Variants in MTG1 observed in about 807,000 individuals in gnomAD.
MTG1 encodes the protein mitochondrial ribosome associated GTPase 1.
A neutral mutation model predicts 39.5 loss-of-function variants in MTG1; 30 were observed. The observed-to-expected ratio is 0.76, with a 90% CI of 0.57 to 1.03. MTG1 has a LOEUF of 1.03. Among genes scored for constraint, MTG1 ranks in the 50% least tolerant of loss-of-function variants. The probability of loss-of-function intolerance (pLI) is 0.00; values close to 1 mark genes in which losing one functional copy is unlikely to be tolerated. For synonymous variants in MTG1, 217 were observed against 179.0 expected, an observed-to-expected ratio of 1.21 and a Z score of -1.69; for missense variants, 513 against 447.4, an observed-to-expected ratio of 1.15 and a Z score of -1.32.
rs189634360 is a variant in MTG1 at position 133,401,713 on chromosome 10, C to T, written c.573+123C>T. 297 of 907,012 alleles carry T rather than the reference C, an allele frequency of 3.3e-4. No homozygotes were observed. In the African/African-American group the frequency reaches 4.3e-3, roughly 13 times the overall value. 56.2% of individuals were successfully genotyped at this position (907,012 alleles called of 1,614,324 possible). A position where few individuals can be genotyped will look rare whatever the true frequency, so the allele number is the denominator to read the frequency against. On this transcript the variant is annotated intron_variant, in intron 7 of 10. Coordinates refer to ENST00000317502, the MANE Select transcript of MTG1 (RefSeq NM_138384.4). ...TTCCCTCCCCTCCACTCAGTGTCCCCGCTGAGCACCCCCGGGGCAGGCACT... is the reference window on the plus strand; with the variant it reads ...TTCCCTCCCCTCCACTCAGTGTCCCTGCTGAGCACCCCCGGGGCAGGCACT...
chr10:133,420,045 G>A lies in MTG1; in HGVS notation c.885G>A (p.Gln295=). The part of the protein sequence containing the change: ...LTGTGNVNII[Q]PNYPAAARDF... The stretch of plus-strand genomic sequence containing the variant: ...CCCCAGGTAACGTGAACATTATTCA[G>A]CCTAACTATCCTGCGGCAGCCCGTG... The change falls in exon 11 of 11, where the codon CAG becomes CAA. Residue 295 remains glutamine (Q), a synonymous_variant. Coordinates refer to ENST00000317502, the MANE Select transcript of MTG1 (RefSeq NM_138384.4). The A allele has an allele frequency of 1.2e-6, 2 of 1,612,452 alleles. No individual in the cohort carries two copies. The highest frequency in any genetic ancestry group is 1.7e-6 in the Non-Finnish European group (2 of 1,179,108).
Position 133,399,015 on chromosome 10 carries a change from G to A in MTG1, c.364-155G>A, listed in dbSNP as rs889608193. On this transcript the variant is annotated intron_variant, in intron 4 of 10. Coordinates refer to ENST00000317502, the MANE Select transcript of MTG1 (RefSeq NM_138384.4). ...ACGCCCAGTTTGCCTATGAAATGTT[G>A]GGTAGAATTCCAGATAGGAGGTTTC... Among the ~76,000 whole-genome samples the A allele has an allele frequency of 2.6e-5, 4 of 152,146 alleles. No homozygotes were observed. The South Asian group carries it at 8.3e-4, about 32-fold the overall frequency.
chr10:133,397,909 A>C (rs1489765032), intron 3 of MTG1, among the ~76,000 whole-genome samples: 1 of 152,022 alleles, frequency 6.6e-6, no homozygotes, highest in Admixed American at 6.6e-5. Context: ...AGTATAGGGC[A>C]CAGCAGTGTC....
At position 133,420,974 on chromosome 10, in the gene MTG1, C is replaced by G. The variant is rs1251775337; in HGVS notation, c.*809C>G. 6.6e-6 allele frequency: 1 copy of G among 152,504 alleles called. No individual in the cohort carries two copies. The highest frequency in any genetic ancestry group is 1.9e-4 in the East Asian group (1 of 5,200). 9.4% of individuals were successfully genotyped at this position (152,504 alleles called of 1,614,324 possible). On this transcript the variant is annotated 3_prime_UTR_variant, in exon 11 of 11. Coordinates refer to ENST00000317502, the MANE Select transcript of MTG1 (RefSeq NM_138384.4). The stretch of plus-strand genomic sequence containing the variant: ...TAGTGCACCTGAAGGGGTCCACAGC[C>G]TGTGTCCTAGAAGAGGGAAGAGGAA...
chr10:133,420,125 A>G lies in MTG1; in HGVS notation c.965A>G (p.Asp322Gly), dbSNP rs746503158. The G allele has an allele frequency of 2.5e-6, 4 of 1,612,960 alleles. No individual in the cohort carries two copies. Among genetic ancestry groups the G allele is most frequent in the Non-Finnish European group, 1.7e-6 (2 of 1,179,666 alleles). The change falls in exon 11 of 11, where the codon GAC (aspartate) becomes GGC (glycine). Residue 322 changes from aspartate (D) to glycine (G), a missense_variant. Coordinates refer to ENST00000317502, the MANE Select transcript of MTG1 (RefSeq NM_138384.4). ...GLLGSVMLDL[D>G]VLRGHPPAET... ...CTGGGTTCCGTGATGCTGGACCTCG[A>G]CGTCCTGCGGGGCCACCCCCCGGCT...
intron 9 of MTG1, among the ~76,000 whole-genome samples, chr10:133,407,528 T>C (rs917014859): frequency 3.9e-5 from 6 of 152,144 alleles, no homozygotes; most frequent in Non-Finnish European, 7.4e-5. Context: ...TTCCTAGGTA[T>C]TTTATATTTT....
intron 9 of MTG1, among the ~76,000 whole-genome samples, chr10:133,411,832 A>G (rs1850051741): frequency 1.3e-5 from 2 of 151,206 alleles, no homozygotes; most frequent in Non-Finnish European, 2.9e-5. Context: ...TTGTCTGACA[A>G]ATTTGTGAGT....
chr10:133,401,911 C>G (rs920599201), intron 7 of MTG1: 7 of 590,544 alleles, frequency 1.2e-5, no homozygotes, highest in African/African-American at 1.9e-5. Flanking sequence ...CTTGTGTTCT[C>G]CTTGGGAGCA....
rs373877100 is a variant in MTG1 at position 133,399,200 on chromosome 10, A to C, written c.394A>C (p.Arg132=). The C allele has an allele frequency of 9.5e-5, 153 of 1,613,910 alleles. No individual in the cohort carries two copies. The Middle Eastern group carries it at 1.2e-3, about 12-fold the overall frequency. ...IIPMVTELIG[R]SHRYHRKENL... ...CCCGATGGTCACTGAACTGATTGGG[A>C]GAAGCCACCGCTACCACCGAAAAGA... Residue 132 remains arginine, a synonymous_variant, in exon 5 of 11, where the codon AGA becomes CGA. Coordinates refer to ENST00000317502, the MANE Select transcript of MTG1 (RefSeq NM_138384.4).
chr10:133,416,073 G>A (rs1308640310), intron 9 of MTG1, among the ~76,000 whole-genome samples: 2 of 151,962 alleles, frequency 1.3e-5, no homozygotes, highest in Non-Finnish European at 2.9e-5. Flanking sequence ...GCTTGGCTTT[G>A]CCCCACCGCA....
intron 9 of MTG1, among the ~76,000 whole-genome samples, chr10:133,418,466 C>T (rs571594272): frequency 1.3e-5 from 2 of 151,692 alleles, no homozygotes; most frequent in South Asian, 2.1e-4. Context: ...TCCGGGGCGC[C>T]TCCTCCAGGC....
chr10:133,394,559 G>A, intron 1 of MTG1: 1 of 1,336,628 alleles, frequency 7.5e-7, no homozygotes, highest in South Asian at 1.8e-5. Context: ...TGCCCCCGCG[G>A]CGCAGCCTCG....
At chr10:133,419,996 C>T (rs540937363) in intron 10 of MTG1, 30 bp from the exon 11 acceptor site, 3 of 1,584,156 alleles carry the variant, frequency 1.9e-6, no homozygotes, top group Middle Eastern at 1.7e-4. Context: ...TGTGAAGGCT[C>T]CTTCCTCACT....
Position 133,402,980 on chromosome 10 carries a change from C to T in MTG1, c.752+207C>T, listed in dbSNP as rs566298363. On this transcript the variant is annotated intron_variant, in intron 9 of 10. Transcript: ENST00000317502. The surrounding 1 kb of genome is among the most constrained non-coding windows in gnomAD (Gnocchi z 4.7). The stretch of plus-strand genomic sequence containing the variant: ...ACACAATCAAGAAAACGAGCGTTCC[C>T]GTCACCCCCAGTCCCTGCTCCTCTT... The T allele has an allele frequency of 2.1e-4, 108 of 506,238 alleles. No homozygotes were observed. The Admixed American group carries it at 3.2e-3, about 15-fold the overall frequency. 31.4% of individuals were successfully genotyped at this position (506,238 alleles called of 1,614,324 possible).
rs1001980599 is a variant in MTG1 at position 133,394,424 on chromosome 10, C to T, written c.112+92C>T. On this transcript the variant is annotated intron_variant, in intron 1 of 10. Transcript: ENST00000317502. ...CGGTTTCGGCCGTCGCCTGCTTCTC[C>T]CGGTCGTTCTGGGCTGGCCCCGCCC... 67 of 1,345,610 alleles carry T rather than the reference C, an allele frequency of 5.0e-5. No individual in the cohort carries two copies. The East Asian group carries it at 1.1e-3, about 21-fold the overall frequency. 83.4% of individuals were successfully genotyped at this position (1,345,610 alleles called of 1,614,324 possible).
Position 133,394,282 on chromosome 10 carries a change from C to T in MTG1, c.62C>T (p.Pro21Leu). The change falls in exon 1 of 11, where the codon CCC (proline) becomes CTC (leucine). Residue 21 changes from proline (P) to leucine (L), a missense_variant. Coordinates refer to ENST00000317502, the MANE Select transcript of MTG1 (RefSeq NM_138384.4). The part of the protein sequence containing the change: ...AAQAAWRENF[P>L]LCGRDVARWF... ...CAGGCCGCCTGGCGGGAGAACTTCC[C>T]CCTGTGCGGTCGCGACGTGGCGCGC... 2 of 1,517,560 alleles carry T rather than the reference C, an allele frequency of 1.3e-6. No homozygotes were observed. Among genetic ancestry groups the T allele is most frequent in the Non-Finnish European group, 8.8e-7 (1 of 1,137,066 alleles). 94.0% of individuals were successfully genotyped at this position (1,517,560 alleles called of 1,614,324 possible).
chr10:133,402,842 AAC>A lies in MTG1; in HGVS notation c.752+71_752+72del. The A allele has an allele frequency of 8.5e-7, 1 of 1,171,090 alleles. No homozygotes were observed. Among genetic ancestry groups the A allele is most frequent in the Non-Finnish European group, 1.2e-6 (1 of 828,652 alleles). The allele number at this position is 1,171,090 out of a possible 1,614,324, so 72.5% of individuals were successfully genotyped here. A position where few individuals can be genotyped will look rare whatever the true frequency, so the allele number is the denominator to read the frequency against. On this transcript the variant is annotated intron_variant, in intron 9 of 10. Coordinates refer to ENST00000317502, the MANE Select transcript of MTG1 (RefSeq NM_138384.4). This position sits in a 1 kb window ranked among gnomAD's most constrained non-coding sequence, Gnocchi z 4.7. ...TCACCTCATTTAAAAAAAAAAAACA[AAC>A]AAAAAAACCCCCAGCATTATAAAGG...
In MTG1 at chr10:133,420,451, A is replaced by T; in HGVS notation, c.*286A>T. On this transcript the variant is annotated 3_prime_UTR_variant, in exon 11 of 11. Coordinates refer to ENST00000317502, the MANE Select transcript of MTG1 (RefSeq NM_138384.4). ...CCTCTTGAGAAATGGATGCTGTCTC[A>T]GAAGGAGTTAAAGCTATAACCTGTA... 1 of 399,920 alleles carries T rather than the reference A, an allele frequency of 2.5e-6. No homozygotes were observed. The allele number at this position is 399,920 out of a possible 1,614,324, so 24.8% of individuals were successfully genotyped here. A position where few individuals can be genotyped will look rare whatever the true frequency, so the allele number is the denominator to read the frequency against.
rs1219971034 is a variant in MTG1, at chr10:133,421,911, A to AGGGGGGGGGGGGGGG, written c.*1749_*1750insGGGGGGGGGGGGGGG. 2.5e-4 allele frequency: 30 copies of AGGGGGGGGGGGGGGG among 118,656 alleles called. No homozygotes were observed. The highest frequency in any genetic ancestry group is 3.9e-4 in the Admixed American group (4 of 10,262). The allele number at this position is 118,656 out of a possible 1,614,324, so 7.4% of individuals were successfully genotyped here. ...AGATCCCAAGGCCACGGCGGGGGGC[A>AGGGGGGGGGGGGGGG]GGGAGAACCCCTCCTACCCTGGATG... On this transcript the variant is annotated 3_prime_UTR_variant, in exon 11 of 11. Coordinates refer to ENST00000317502, the MANE Select transcript of MTG1 (RefSeq NM_138384.4).
Sources: allele counts gnomAD v4.1 joint callset (sites outside exome capture counted in the v4.1 genomes callset), GRCh38; gene constraint gnomAD v4.1.1; non-coding constraint Gnocchi (gnomAD v3.1); transcripts MANE v1.5; gene names NCBI Gene and HGNC (gene_info 2026-07-23, HGNC 2026-07-21).